Variants in KAZN observed in about 807,000 individuals in gnomAD.
KAZN encodes the protein kazrin.
A neutral mutation model predicts 87.4 loss-of-function variants in KAZN; 40 were observed. That is an observed-to-expected ratio of 0.46 (90% CI 0.36 to 0.60). The LOEUF (loss-of-function observed/expected upper bound fraction) is 0.60, where lower values mean the gene tolerates loss of function less well. KAZN is among the 20% of genes least tolerant of loss of function. The pLI, the probability that KAZN is intolerant of heterozygous loss-of-function variation, is 0.00. For missense variants in KAZN, 898 were observed against 1,073.9 expected, an observed-to-expected ratio of 0.84 and a Z score of 2.29; for synonymous variants, 466 against 458.3, an observed-to-expected ratio of 1.02 and a Z score of -0.22.
At chr1:14,605,035 G>T (rs1677252803) in intron 1 of KAZN, among the ~76,000 whole-genome samples, 1 of 152,208 alleles carries the variant, frequency 6.6e-6, no homozygotes, top group Admixed American at 6.5e-5. Flanking sequence ...GTGAAGTAAT[G>T]AGTCATTAAG....
At chr1:14,551,571 G>A (rs1673522324) in intron 2 of KAZN, among the ~76,000 whole-genome samples, 1 of 152,150 alleles carries the variant, frequency 6.6e-6, no homozygotes, top group Non-Finnish European at 1.5e-5. Context: ...TATCAACTGT[G>A]TACTCATGTT....
rs550508214 is a variant in KAZN at position 14,120,291 on chromosome 1, G to A, written c.92-60144G>A. Reference sequence around the variant, plus strand: ...GAGCAAGAGGGCGGGGGGAGGTGCCGTGCACTCTTTTAAACAACCAGGTCT... The same window carrying A: ...GAGCAAGAGGGCGGGGGGAGGTGCCATGCACTCTTTTAAACAACCAGGTCT... On this transcript the variant is annotated intron_variant, in intron 1 of 16. Transcript: ENST00000636203. Among the ~76,000 whole-genome samples, 34 of 152,126 alleles carry A rather than the reference G, an allele frequency of 2.2e-4. 1 individual carries two copies. In the South Asian group the frequency reaches 5.8e-3, roughly 26 times the overall value.
chr1:14,964,555 C>T (rs986865980), intron 2 of KAZN, among the ~76,000 whole-genome samples: 1 of 152,166 alleles, frequency 6.6e-6, no homozygotes, highest in African/African-American at 2.4e-5. Flanking sequence ...CCAGCCACAG[C>T]ACATGGTGAG....
chr1:14,957,182 A>C (rs928282669), intron 1 of KAZN, among the ~76,000 whole-genome samples: 2 of 152,170 alleles, frequency 1.3e-5, no homozygotes, highest in African/African-American at 4.8e-5. Context: ...GAGCAGGGGC[A>C]TGGCCCCAAA....
At chr1:14,504,111 CCAAT>C (rs1457877987) in intron 2 of KAZN, among the ~76,000 whole-genome samples, 18 of 152,154 alleles carry the variant, frequency 1.2e-4, no homozygotes, top group Non-Finnish European at 2.2e-4. Context: ...GAATGTATCT[CCAAT>C]CAAGAAGTCC....
At chr1:14,797,066 G>T (rs545103926) in intron 1 of KAZN, among the ~76,000 whole-genome samples, 14 of 152,056 alleles carry the variant, frequency 9.2e-5, no homozygotes, top group Non-Finnish European at 1.6e-4. Context: ...TTGTTTTTTG[G>T]TTTTTGTTTT....
intron 1 of KAZN, among the ~76,000 whole-genome samples, chr1:14,041,556 C>A (rs1425334216): frequency 6.6e-6 from 1 of 152,146 alleles, no homozygotes; most frequent in Non-Finnish European, 1.5e-5. Flanking sequence ...TCCTTGATTT[C>A]TCTCTCCTGG....
chr1:14,496,376 G>T lies in KAZN; in HGVS notation c.250-102607G>T, dbSNP rs1669942557. ...TTCTGGGGGGAAGGGAATAACTTAT[G>T]TGTTGTTGGGGGTGCTTGTGCATGC... is the stretch of plus-strand genomic sequence containing the variant. On this transcript the variant is annotated intron_variant, in intron 2 of 16. Coordinates refer to the KAZN transcript ENST00000636203. Among the ~76,000 whole-genome samples, 3 of 152,298 alleles carry T rather than the reference G, an allele frequency of 2.0e-5. No homozygotes were observed. In the South Asian group the frequency reaches 6.2e-4, roughly 32 times the overall value.
Position 14,591,605 on chromosome 1 carries a change from T to C in KAZN, c.250-7378T>C, listed in dbSNP as rs149196879. ...TAGGAGCTTCTGAATTAGAAGTGAT[T>C]ATTAAAGGACTGTTTGCAAATGAAA... On this transcript the variant is annotated intron_variant, in intron 2 of 16. Coordinates refer to the KAZN transcript ENST00000636203. Among the ~76,000 whole-genome samples the C allele has an allele frequency of 3.3e-4, 50 of 152,312 alleles. No homozygotes were observed. In the East Asian group the frequency reaches 8.9e-3, roughly 27 times the overall value.
intron 1 of KAZN, among the ~76,000 whole-genome samples, chr1:14,026,892 G>T (rs951404880): frequency 1.3e-5 from 2 of 152,088 alleles, no homozygotes; most frequent in Admixed American, 6.6e-5. Flanking sequence ...GATCATGGAG[G>T]AACAGCCAGA....
intron 1 of KAZN, among the ~76,000 whole-genome samples, chr1:14,723,124 T>G (rs1309752961): frequency 6.6e-6 from 1 of 151,982 alleles, no homozygotes. Flanking sequence ...AGACTCTGTC[T>G]CAAAATAAAT....
chr1:14,596,226 G>A (rs115377989), upstream of KAZN, among the ~76,000 whole-genome samples: 1,210 of 152,184 alleles, frequency 8.0e-3, 17 homozygotes, highest in African/African-American at 0.027. Flanking sequence ...CAGTGAAGTG[G>A]GAGAGAGACA....
At chr1:14,539,363 C>A (rs989141969) in intron 2 of KAZN, among the ~76,000 whole-genome samples, 1 of 152,146 alleles carries the variant, frequency 6.6e-6, no homozygotes. Context: ...GATCCTGGAG[C>A]AATATAAGGA....
In KAZN at chr1:14,245,085, C is replaced by T. The variant is rs557766523; in HGVS notation, c.249+64493C>T. On this transcript the variant is annotated intron_variant, in intron 2 of 16. Coordinates refer to the KAZN transcript ENST00000636203. ...AAGTAATTCTCCTGCCTCAGCCTCCCGAGTAGCTGAGATTACCAGTGCCCA... is the reference window on the plus strand; with the variant it reads ...AAGTAATTCTCCTGCCTCAGCCTCCTGAGTAGCTGAGATTACCAGTGCCCA... Among the ~76,000 whole-genome samples, 9 of 152,118 alleles carry T rather than the reference C, an allele frequency of 5.9e-5. 1 individual carries two copies. The highest frequency in any genetic ancestry group is 1.7e-4 in the African/African-American group (7 of 41,508).
At chr1:14,956,883 C>T (rs1663178457) in intron 1 of KAZN, among the ~76,000 whole-genome samples, 1 of 152,120 alleles carries the variant, frequency 6.6e-6, no homozygotes, top group African/African-American at 2.4e-5. Flanking sequence ...CAGCCTTCCT[C>T]CTGTTCTTCC....
chr1:14,002,119 A>C lies in KAZN; in HGVS notation c.91+108363A>C, dbSNP rs548064839. On this transcript the variant is annotated intron_variant, in intron 1 of 16. Coordinates refer to the KAZN transcript ENST00000636203. ...TCTACCCATCTGACAAAGGTCTAAT[A>C]TCCAGAATATACAAGGAACTTAAAG... Among the ~76,000 whole-genome samples, 7 of 152,388 alleles carry C rather than the reference A, an allele frequency of 4.6e-5. No individual in the cohort carries two copies. In the South Asian group the frequency reaches 1.4e-3, roughly 32 times the overall value.
intron 1 of KAZN, among the ~76,000 whole-genome samples, chr1:13,921,873 T>C (rs1173932911): frequency 6.6e-6 from 1 of 152,062 alleles, no homozygotes; most frequent in Non-Finnish European, 1.5e-5. Flanking sequence ...CCTCGTGATC[T>C]GCCCGCCTCA....
rs36034022 is a variant in KAZN, at chr1:14,467,674, CAAAA to C, written c.250-131291_250-131288del. Among the ~76,000 whole-genome samples, 511 of 77,338 alleles carry C rather than the reference CAAAA, an allele frequency of 6.6e-3. 2 individuals carry two copies. Among genetic ancestry groups the C allele is most frequent in the African/African-American group, 0.025 (490 of 19,756 alleles). 50.7% of individuals were successfully genotyped at this position (77,338 alleles called of 152,430 possible). On this transcript the variant is annotated intron_variant, in intron 2 of 16. Transcript: ENST00000636203. Reference sequence around the variant, plus strand: ...ATGCCTGATTCATGTATCCAAAAGGCAAAAAAAAAAAAAAAAAAAAAGTAGACTT... The same window carrying C: ...ATGCCTGATTCATGTATCCAAAAGGCAAAAAAAAAAAAAAAAAGTAGACTT...
intron 1 of KAZN, among the ~76,000 whole-genome samples, chr1:14,164,047 A>G (rs540961192): frequency 5.3e-5 from 8 of 152,132 alleles, no homozygotes; most frequent in Non-Finnish European, 1.0e-4. Context: ...AAAGCCACCC[A>G]AATTTTTAGT....
Sources: allele counts gnomAD v4.1 joint callset (sites outside exome capture counted in the v4.1 genomes callset), GRCh38; gene constraint gnomAD v4.1.1; transcripts MANE v1.5; gene names NCBI Gene and HGNC (gene_info 2026-07-23, HGNC 2026-07-21).